The following ONECUT1 variants were observed in gnomAD, a reference collection of about 807,000 sequenced individuals.
ONECUT1 encodes the protein hepatocyte nuclear factor 6.
ONECUT1 carries 12 observed loss-of-function variants against 25.6 expected under a neutral mutation model. The observed-to-expected ratio is 0.47, with a 90% CI of 0.30 to 0.76. The LOEUF (loss-of-function observed/expected upper bound fraction) is 0.76. ONECUT1 is among the 30% of genes least tolerant of loss of function. The pLI is 0.07. For synonymous variants in ONECUT1, 285 were observed against 270.2 expected, an observed-to-expected ratio of 1.05 and a Z score of -0.54; for missense variants, 620 against 651.2, an observed-to-expected ratio of 0.95 and a Z score of 0.52.
chr15:52,773,501 AT>A (rs1409345445), intron 1 of ONECUT1, among the ~76,000 whole-genome samples: 12 of 152,222 alleles, frequency 7.9e-5, no homozygotes, highest in African/African-American at 2.7e-4. Context: ...ATAAATGTAT[AT>A]GTATCTGTTT....
intron 1 of ONECUT1, chr15:52,780,744 T>C: frequency 1.3e-6 from 2 of 1,496,230 alleles, no homozygotes; most frequent in African/African-American, 1.4e-5. Flanking sequence ...CCCATTGATC[T>C]GTTTTAGAAG....
At position 52,784,348 on chromosome 15, in the gene ONECUT1, G is replaced by A. The variant is rs949570449; in HGVS notation, c.1105+4432C>T. ...TCAGGCTGGTCGCCCCAGCTACCGG[G>A]ATCCCTCTCCGGATGCTTCCAGGGC... On this transcript the variant is annotated intron_variant, in intron 1 of 1. Coordinates refer to ENST00000305901, the MANE Select transcript of ONECUT1 (RefSeq NM_004498.4). The surrounding 1 kb of genome is among the most constrained non-coding windows in gnomAD (Gnocchi z 5.0). Among the ~76,000 whole-genome samples the A allele has an allele frequency of 2.0e-5, 3 of 152,210 alleles. No individual in the cohort carries two copies. The highest frequency in any genetic ancestry group is 7.2e-5 in the African/African-American group (3 of 41,448).
chr15:52,780,162 C>A (rs1448566574), intron 1 of ONECUT1, among the ~76,000 whole-genome samples: 2 of 152,262 alleles, frequency 1.3e-5, no homozygotes, highest in East Asian at 3.9e-4. Context: ...ATGCTAAAAG[C>A]TTTCTGTGAG....
chr15:52,757,834 T>G lies in ONECUT1; in HGVS notation c.1119A>C (p.Lys373Asn). The change falls in exon 2 of 2, where the codon AAA (lysine) becomes AAC (asparagine). Residue 373 changes from lysine to asparagine, a missense_variant. This residue lies in a region of ONECUT1 where 146 missense variants were observed against 201.8 expected (regional missense o/e 0.72). Coordinates refer to ENST00000305901, the MANE Select transcript of ONECUT1 (RefSeq NM_004498.4). ...CTCTATCCTTCCCATGTTCTTGTTC[T>G]TTCCTTTTGCATGCTGTGAAGAAAC... ...SALRLAACKR[K>N]EQEHGKDRGN... 6.2e-7 allele frequency: 1 copy of G among 1,613,158 alleles called. No homozygotes were observed. The highest frequency in any genetic ancestry group is 8.5e-7 in the Non-Finnish European group (1 of 1,179,494).
In ONECUT1 at chr15:52,784,710, TGTC is replaced by T. The variant is rs2083862639; in HGVS notation, c.1105+4067_1105+4069del. ...GCACCACGCAGAGCCTTCTGGTGAC[TGTC>T]CGCAGGAGCGAGACCTTTTTTGGTT... is the stretch of plus-strand genomic sequence containing the variant. On this transcript the variant is annotated intron_variant, in intron 1 of 1. Coordinates refer to ENST00000305901, the MANE Select transcript of ONECUT1 (RefSeq NM_004498.4). This position sits in a 1 kb window ranked among gnomAD's most constrained non-coding sequence, Gnocchi z 5.0. Among the ~76,000 whole-genome samples the T allele has an allele frequency of 6.6e-6, 1 of 152,248 alleles. No individual in the cohort carries two copies. Among genetic ancestry groups the T allele is most frequent in the South Asian group, 2.1e-4 (1 of 4,838 alleles).
Position 52,780,900 on chromosome 15 carries a change from C to G in ONECUT1, c.1105+7880G>C. On this transcript the variant is annotated intron_variant, in intron 1 of 1. Coordinates refer to ENST00000305901, the MANE Select transcript of ONECUT1 (RefSeq NM_004498.4). The stretch of plus-strand genomic sequence containing the variant: ...TCTGAATATCCCGTGGCGGCATATG[C>G]AAAGGAAGATGAGAAACACATGGTG... The G allele has an allele frequency of 3.8e-6, 5 of 1,307,174 alleles. No homozygotes were observed. The South Asian group carries it at 9.0e-5, about 23-fold the overall frequency. The allele number at this position is 1,307,174 out of a possible 1,614,324, so 81.0% of individuals were successfully genotyped here.
Position 52,788,885 on chromosome 15 carries a change from G to T in ONECUT1, c.1000C>A (p.Pro334Thr), listed in dbSNP as rs2083894841. ...QGTLSDLLRN[P>T]KPWSKLKSGR... is the part of the protein sequence containing the mutation. ...GATTTGAGTTTGCTCCAGGGTTTGGGGTTGCGCAGCAGGTCCGAGAGGGTC... is the reference window on the plus strand; with the variant it reads ...GATTTGAGTTTGCTCCAGGGTTTGGTGTTGCGCAGCAGGTCCGAGAGGGTC... The change falls in exon 1 of 2, where the codon CCC becomes ACC. Residue 334 changes from proline to threonine, a missense_variant. By Grantham distance (38) the Pro-to-Thr change is conservative. Around this residue, in one of 4 missense-constraint regions of ONECUT1, gnomAD observed 146 missense variants for 201.8 expected, o/e 0.72. Coordinates refer to ENST00000305901, the MANE Select transcript of ONECUT1 (RefSeq NM_004498.4). The surrounding 1 kb of genome is among the most constrained non-coding windows in gnomAD (Gnocchi z 4.3). 6.2e-7 allele frequency: 1 copy of T among 1,614,182 alleles called. No homozygotes were observed. Among genetic ancestry groups the T allele is most frequent in the Non-Finnish European group, 8.5e-7 (1 of 1,180,042 alleles).
intron 1 of ONECUT1, among the ~76,000 whole-genome samples, chr15:52,758,573 G>A (rs1172370100): frequency 3.3e-5 from 5 of 152,162 alleles, no homozygotes; most frequent in Admixed American, 1.3e-4. Flanking sequence ...AGTTAGCCAT[G>A]TTCATCTCTG....
intron 1 of ONECUT1, among the ~76,000 whole-genome samples, chr15:52,767,628 C>T (rs1206607807): frequency 4.6e-5 from 7 of 152,172 alleles, no homozygotes; most frequent in Admixed American, 3.9e-4. Flanking sequence ...AGAGAAGCTG[C>T]GGCCTTGCGC....
Position 52,789,504 on chromosome 15 carries a change from G to A in ONECUT1, c.381C>T (p.His127=). The part of the protein sequence containing the change: ...TVSDKFPHHH[H]HHHHHHHPHH... Reference sequence around the variant, plus strand: ...GCGGGTGGTGGTGGTGATGGTGGTGGTGGTGATGGTGGGGGAACTTGTCCG... The same window carrying A: ...GCGGGTGGTGGTGGTGATGGTGGTGATGGTGATGGTGGGGGAACTTGTCCG... The change falls in exon 1 of 2, where the codon CAC becomes CAT. Residue 127 remains histidine, a synonymous_variant. Coordinates refer to ENST00000305901, the MANE Select transcript of ONECUT1 (RefSeq NM_004498.4). This position sits in a 1 kb window ranked among gnomAD's most constrained non-coding sequence, Gnocchi z 4.1. 6.2e-7 allele frequency: 1 copy of A among 1,611,588 alleles called. No homozygotes were observed. The highest frequency in any genetic ancestry group is 8.5e-7 in the Non-Finnish European group (1 of 1,178,984).
Position 52,755,541 on chromosome 15 carries a change from C to T in ONECUT1, c.*2014G>A, listed in dbSNP as rs953732971. ...CATTCGACAGCAGACATGAAGGAGA[C>T]ACAGATAGATGGCTTGTTGGTTTTG... On this transcript the variant is annotated 3_prime_UTR_variant, in exon 2 of 2. Coordinates refer to ENST00000305901, the MANE Select transcript of ONECUT1 (RefSeq NM_004498.4). Among the ~76,000 whole-genome samples, 1 of 152,184 alleles carries T rather than the reference C, an allele frequency of 6.6e-6. No homozygotes were observed. Among genetic ancestry groups the T allele is most frequent in the Non-Finnish European group, 1.5e-5 (1 of 68,038 alleles).
chr15:52,759,834 C>G (rs1566988355), intron 1 of ONECUT1, among the ~76,000 whole-genome samples: 1 of 151,708 alleles, frequency 6.6e-6, no homozygotes, highest in Non-Finnish European at 1.5e-5. Flanking sequence ...GTCTTGAGCT[C>G]CTGGGCTCAA....
In ONECUT1 at chr15:52,755,262, T is replaced by A. The variant is rs2083668753; in HGVS notation, c.*2293A>T. Reference sequence around the variant, plus strand: ...GTAGCTGTATCCCCGGCTCCCTCCATCCCTGGAGAGAGAGAAAATGTTAAT... The same window carrying A: ...GTAGCTGTATCCCCGGCTCCCTCCAACCCTGGAGAGAGAGAAAATGTTAAT... On this transcript the variant is annotated 3_prime_UTR_variant, in exon 2 of 2. Coordinates refer to ENST00000305901, the MANE Select transcript of ONECUT1 (RefSeq NM_004498.4). 1.3e-5 allele frequency among the ~76,000 whole-genome samples: 2 copies of A among 152,150 alleles called. No homozygotes were observed. Among genetic ancestry groups the A allele is most frequent in the Admixed American group, 1.3e-4 (2 of 15,280 alleles).
At chr15:52,772,626 A>G (rs2083775475) in intron 1 of ONECUT1, among the ~76,000 whole-genome samples, 1 of 152,208 alleles carries the variant, frequency 6.6e-6, no homozygotes, top group South Asian at 2.1e-4. Context: ...GTGGGACTGA[A>G]GGGCATCCCT....
intron 1 of ONECUT1, among the ~76,000 whole-genome samples, chr15:52,778,928 G>A (rs1164490910): frequency 6.6e-6 from 1 of 151,622 alleles, no homozygotes; most frequent in African/African-American, 2.4e-5. Context: ...ACTTGACAAT[G>A]TCTAAGAGCT....
intron 1 of ONECUT1, chr15:52,780,726 T>C: frequency 6.6e-7 from 1 of 1,503,788 alleles, no homozygotes; most frequent in South Asian, 1.3e-5. Flanking sequence ...TTTGTTTATT[T>C]AATTTTCCCC....
intron 1 of ONECUT1, among the ~76,000 whole-genome samples, chr15:52,760,251 A>G (rs891751034): frequency 1.3e-5 from 2 of 152,262 alleles, no homozygotes; most frequent in African/African-American, 4.8e-5. Flanking sequence ...GAGCCAGGTG[A>G]GAGTCTCCAA....
intron 1 of ONECUT1, among the ~76,000 whole-genome samples, chr15:52,759,869 A>C (rs1316776827): frequency 6.6e-6 from 1 of 151,648 alleles, no homozygotes; most frequent in Non-Finnish European, 1.5e-5. Context: ...TTGGCCTCCC[A>C]TTAGAGGTGT....
intron 1 of ONECUT1, among the ~76,000 whole-genome samples, chr15:52,764,818 T>C (rs1311387016): frequency 1.3e-5 from 2 of 152,190 alleles, no homozygotes; most frequent in African/African-American, 4.8e-5. Context: ...CTCAGTAGCA[T>C]GCAGGGCCAA....
Sources: allele counts gnomAD v4.1 joint callset (sites outside exome capture counted in the v4.1 genomes callset), GRCh38; gene constraint gnomAD v4.1.1; regional missense constraint gnomAD v4.1.1; non-coding constraint Gnocchi (gnomAD v3.1); transcripts MANE v1.5; gene names NCBI Gene and HGNC (gene_info 2026-07-23, HGNC 2026-07-21).